The following ZNF292 variants were observed in gnomAD, a reference collection of about 807,000 sequenced individuals.
ZNF292 encodes the protein zinc finger protein 292, also known as 16 zinc-finger domain protein.
Under a neutral mutation model 217.9 loss-of-function variants are expected in ZNF292, and 26 were observed. The observed-to-expected ratio is 0.12, with a 90% CI of 0.09 to 0.17. The LOEUF is 0.17. Among genes scored for constraint, ZNF292 ranks in the 10% least tolerant of loss-of-function variants. The pLI is 1.00. For synonymous variants in ZNF292, 1,257 were observed against 1,124.1 expected (o/e 1.12, Z -2.37); for missense variants, 2,904 against 3,175.2 (o/e 0.91, Z 2.05).
intron 5 of ZNF292, among the ~76,000 whole-genome samples, chr6:87,239,483 G>T (rs1466381033): frequency 3.3e-5 from 5 of 151,366 alleles, no homozygotes; most frequent in African/African-American, 1.2e-4. Flanking sequence ...TGGCCGGGCG[G>T]GGGCTGCCCC....
intron 1 of ZNF292, among the ~76,000 whole-genome samples, chr6:87,180,496 C>G (rs1771440964): frequency 6.6e-6 from 1 of 152,188 alleles, no homozygotes. Context: ...TGTAGTTTTC[C>G]CAGCATGAGG....
Position 87,256,569 on chromosome 6 carries a change from T to C in ZNF292, c.2940T>C (p.Asp980=), listed in dbSNP as rs1287394166. 6.2e-7 allele frequency: 1 copy of C among 1,613,646 alleles called. No homozygotes were observed. Among genetic ancestry groups the C allele is most frequent in the Admixed American group, 1.7e-5 (1 of 60,000 alleles). Residue 980 remains aspartate, a synonymous_variant, in exon 8 of 8, where the codon GAT becomes GAC. Coordinates refer to ENST00000369577, the MANE Select transcript of ZNF292 (RefSeq NM_015021.3). ...LHTPVEDTCN[D]LCHPGFQERK... ...CGCCAGTTGAAGATACTTGTAATGA[T>C]TTGTGTCATCCAGGTTTCCAGGAGA... is the stretch of plus-strand genomic sequence containing the variant.
At position 87,256,105 on chromosome 6, in the gene ZNF292, A is replaced by G; in HGVS notation, c.2476A>G (p.Lys826Glu). 6.2e-7 allele frequency: 1 copy of G among 1,613,612 alleles called. No homozygotes were observed. The highest frequency in any genetic ancestry group is 8.5e-7 in the Non-Finnish European group (1 of 1,179,754). ...KVYRSQGELEKHLDDHSTPPE... is the reference protein window; with the variant it reads ...KVYRSQGELEEHLDDHSTPPE... ...TTATCGTTCTCAGGGTGAGCTGGAA[A>G]AGCATCTGGATGATCACAGTACTCC... is the stretch of plus-strand genomic sequence containing the variant. The change falls in exon 8 of 8, where the codon AAG becomes GAG. Residue 826 changes from lysine (K) to glutamate (E), a missense_variant. Around this residue, in one of 15 missense-constraint regions of ZNF292, gnomAD observed 687 missense variants for 623.0 expected, o/e 1.10. Coordinates refer to ENST00000369577, the MANE Select transcript of ZNF292 (RefSeq NM_015021.3).
intron 4 of ZNF292, among the ~76,000 whole-genome samples, chr6:87,230,442 A>G (rs1231893427): frequency 6.6e-6 from 1 of 152,118 alleles, no homozygotes; most frequent in Non-Finnish European, 1.5e-5. Context: ...TAATATTATG[A>G]AAGTGACATG....
At chr6:87,252,757 G>A (rs1358214942) in intron 7 of ZNF292, among the ~76,000 whole-genome samples, 1 of 152,122 alleles carries the variant, frequency 6.6e-6, no homozygotes, top group African/African-American at 2.4e-5. Flanking sequence ...CTTAAGGCAT[G>A]TAACAGAGAT....
chr6:87,188,393 TC>T (rs1163848240), intron 1 of ZNF292, among the ~76,000 whole-genome samples: 1 of 152,140 alleles, frequency 6.6e-6, no homozygotes, highest in Admixed American at 6.5e-5. Flanking sequence ...AATGTAGAAA[TC>T]CCTTACTGTC....
chr6:87,229,394 A>T (rs1773533647), intron 4 of ZNF292, among the ~76,000 whole-genome samples: 1 of 151,376 alleles, frequency 6.6e-6, no homozygotes, highest in Non-Finnish European at 1.5e-5. Context: ...TATCTCTTTT[A>T]TTTTTCTTGC....
At chr6:87,180,239 A>T (rs1355064495) in intron 1 of ZNF292, among the ~76,000 whole-genome samples, 1 of 152,256 alleles carries the variant, frequency 6.6e-6, no homozygotes, top group Non-Finnish European at 1.5e-5. Flanking sequence ...CCTGGGCCAC[A>T]TGTTGATGTT....
In ZNF292 at chr6:87,252,682, G is replaced by T. The variant is rs948288574; in HGVS notation, c.1021-1968G>T. Among the ~76,000 whole-genome samples the T allele has an allele frequency of 1.6e-4, 25 of 152,082 alleles. 1 individual carries two copies. Among genetic ancestry groups the T allele is most frequent in the Non-Finnish European group, 2.9e-5 (2 of 68,026 alleles). Reference sequence around the variant, plus strand: ...TAGTATGCAGCTTCACAGACCACAGGTGATTTTTTTCTTTCTTGCATATCG... The same window carrying T: ...TAGTATGCAGCTTCACAGACCACAGTTGATTTTTTTCTTTCTTGCATATCG... On this transcript the variant is annotated intron_variant, in intron 7 of 7. Coordinates refer to ENST00000369577, the MANE Select transcript of ZNF292 (RefSeq NM_015021.3).
chr6:87,256,418 T>C lies in ZNF292; in HGVS notation c.2789T>C (p.Leu930Pro). The change falls in exon 8 of 8, where the codon CTT becomes CCT. Residue 930 changes from leucine (L) to proline (P), a missense_variant. Around this residue, in one of 15 missense-constraint regions of ZNF292, gnomAD observed 687 missense variants for 623.0 expected, o/e 1.10. Transcript: ENST00000369577. ...GLENPATTPL[L>P]QSSEVAVSIK... ...GAAAACCCTGCTACTACTCCTCTAC[T>C]TCAATCCAGTGAAGTAGCTGTGTCC... The C allele has an allele frequency of 6.2e-7, 1 of 1,607,066 alleles. No individual in the cohort carries two copies. The highest frequency in any genetic ancestry group is 2.2e-5 in the East Asian group (1 of 44,880).
chr6:87,183,468 A>G (rs1401175538), intron 1 of ZNF292, among the ~76,000 whole-genome samples: 1 of 152,180 alleles, frequency 6.6e-6, no homozygotes, highest in South Asian at 2.1e-4. Context: ...TAAAAGACAC[A>G]ATCCTGAACA....
In ZNF292 at chr6:87,155,736, G is replaced by A. The variant is rs1230608920; in HGVS notation, c.145G>A (p.Asp49Asn). ...GGTACCGGCCGTGGAAGCGGCCACC[G>A]ACTACTGTCAGCAGCTGTGCCAGGT... ...SRVPAVEAAT[D>N]YCQQLCQTLL... Residue 49 changes from aspartate to asparagine, a missense_variant, in exon 1 of 8, where the codon GAC becomes AAC. Asp to Asn is a conservative substitution (Grantham distance 23). Around this residue, in one of 15 missense-constraint regions of ZNF292, gnomAD observed 313 missense variants for 451.0 expected, o/e 0.69. Coordinates refer to ENST00000369577, the MANE Select transcript of ZNF292 (RefSeq NM_015021.3). 1.9e-6 allele frequency: 3 copies of A among 1,599,802 alleles called. No individual in the cohort carries two copies. Among genetic ancestry groups the A allele is most frequent in the Non-Finnish European group, 2.6e-6 (3 of 1,174,884 alleles).
intron 7 of ZNF292, among the ~76,000 whole-genome samples, chr6:87,252,622 C>A (rs2127852350): frequency 6.6e-6 from 1 of 152,284 alleles, no homozygotes. Flanking sequence ...GCCCTTAATT[C>A]CTCCCAGACT....
At chr6:87,220,012 A>C (rs1015310876) in intron 4 of ZNF292, among the ~76,000 whole-genome samples, 1 of 152,020 alleles carries the variant, frequency 6.6e-6, no homozygotes, top group African/African-American at 2.4e-5. Flanking sequence ...TTTTTTGTAG[A>C]GACAGGGTCT....
chr6:87,259,071 C>T lies in ZNF292; in HGVS notation c.5442C>T (p.Ser1814=). ...NKLPDSSPFS[S]FISVMPTKSN... is the part of the protein sequence containing the mutation. The stretch of plus-strand genomic sequence containing the variant: ...TACCCGATTCTTCTCCGTTTTCCTC[C>T]TTTATAAGTGTCATGCCAACAAAAA... The change falls in exon 8 of 8, where the codon TCC becomes TCT. Residue 1814 remains serine, a synonymous_variant. Transcript: ENST00000369577. 6.2e-7 allele frequency: 1 copy of T among 1,613,186 alleles called. No individual in the cohort carries two copies. Among genetic ancestry groups the T allele is most frequent in the Middle Eastern group, 1.7e-4 (1 of 6,058 alleles).
intron 1 of ZNF292, among the ~76,000 whole-genome samples, chr6:87,212,375 C>T (rs1188850045): frequency 6.6e-6 from 1 of 152,144 alleles, no homozygotes; most frequent in Non-Finnish European, 1.5e-5. Context: ...TGGGTTCAAT[C>T]TCTGCCCCTT....
intron 1 of ZNF292, among the ~76,000 whole-genome samples, chr6:87,214,779 C>G (rs1772658336): frequency 1.3e-5 from 2 of 152,084 alleles, no homozygotes; most frequent in Non-Finnish European, 2.9e-5. Context: ...TTTTGTTGCC[C>G]TTTAGTTTAC....
intron 1 of ZNF292, 110 bp from the exon 2 acceptor site, chr6:87,215,793 T>G: frequency 7.6e-6 from 6 of 785,578 alleles, no homozygotes; most frequent in Non-Finnish European, 1.1e-5. Flanking sequence ...TTTTTGTTTT[T>G]ATAAATAAAA....
chr6:87,235,868 A>G (rs1773880941), intron 5 of ZNF292, among the ~76,000 whole-genome samples: 2 of 152,236 alleles, frequency 1.3e-5, no homozygotes, highest in African/African-American at 4.8e-5. Flanking sequence ...ATAGTGCAGA[A>G]CAGGACAGAT....
Sources: allele counts gnomAD v4.1 joint callset (sites outside exome capture counted in the v4.1 genomes callset), GRCh38; gene constraint gnomAD v4.1.1; regional missense constraint gnomAD v4.1.1; transcripts MANE v1.5; gene names NCBI Gene and HGNC (gene_info 2026-07-23, HGNC 2026-07-21).